Variants in SUPT3H observed in about 807,000 individuals in gnomAD.
SUPT3H encodes SPT3 homolog, SAGA and STAGA complex component.
SUPT3H carries 44 observed loss-of-function variants against 44.3 expected under a neutral mutation model. That is an observed-to-expected ratio of 0.99 (90% CI 0.78 to 1.28). The LOEUF (loss-of-function observed/expected upper bound fraction) is 1.28, where lower values mean the gene tolerates loss of function less well. Among genes scored for constraint, SUPT3H ranks in the 50% most tolerant of loss-of-function variants. The pLI is 0.00. For synonymous variants in SUPT3H, 124 were observed against 125.6 expected, an observed-to-expected ratio of 0.99 and a Z score of 0.09; for missense variants, 380 against 387.1, an observed-to-expected ratio of 0.98 and a Z score of 0.15.
At chr6:44,888,695 A>T (rs1762756968) in intron 10 of SUPT3H, among the ~76,000 whole-genome samples, 1 of 151,956 alleles carries the variant, frequency 6.6e-6, no homozygotes, top group Non-Finnish European at 1.5e-5. Context: ...ATTCCCTTTG[A>T]AAACTGGCAC....
intron 2 of SUPT3H, among the ~76,000 whole-genome samples, chr6:45,318,437 T>C (rs1239067411): frequency 1.3e-5 from 2 of 152,116 alleles, no homozygotes; most frequent in Non-Finnish European, 1.5e-5. Context: ...TGTATCAATA[T>C]TGGTTCATCA....
intron 10 of SUPT3H, among the ~76,000 whole-genome samples, chr6:44,846,942 T>C (rs1358898817): frequency 2.0e-5 from 3 of 152,182 alleles, no homozygotes; most frequent in Non-Finnish European, 4.4e-5. Flanking sequence ...AGTTGAAAAG[T>C]TTTTTGAAGA....
chr6:44,978,994 T>G (rs530515477), intron 6 of SUPT3H, among the ~76,000 whole-genome samples: 3 of 152,218 alleles, frequency 2.0e-5, no homozygotes, highest in Non-Finnish European at 2.9e-5. Context: ...CCTGTTAATA[T>G]TCTTTTCTAT....
chr6:45,085,254 T>G (rs996484578), intron 3 of SUPT3H, among the ~76,000 whole-genome samples: 18 of 152,188 alleles, frequency 1.2e-4, no homozygotes, highest in African/African-American at 3.9e-4. Context: ...AACACAGGTT[T>G]AAATATTTAA....
chr6:45,094,955 TC>T (rs1167613055), intron 3 of SUPT3H, among the ~76,000 whole-genome samples: 2 of 152,132 alleles, frequency 1.3e-5, no homozygotes, highest in Non-Finnish European at 2.9e-5. Flanking sequence ...GTGTGTGTTT[TC>T]CCCAAAGCAG....
At chr6:45,165,365 CAGTT>C (rs1418522934) in intron 2 of SUPT3H, among the ~76,000 whole-genome samples, 9 of 152,206 alleles carry the variant, frequency 5.9e-5, no homozygotes, top group African/African-American at 1.4e-4. Context: ...CTCTACCACT[CAGTT>C]AGCAGAAGAA....
chr6:45,008,568 T>C (rs1052660044), intron 5 of SUPT3H, among the ~76,000 whole-genome samples: 4 of 152,012 alleles, frequency 2.6e-5, no homozygotes, highest in African/African-American at 9.7e-5. Flanking sequence ...TTGCCCAGGC[T>C]GGTTTCAAAA....
chr6:44,972,832 T>C (rs1209236680), intron 6 of SUPT3H, among the ~76,000 whole-genome samples: 3 of 152,088 alleles, frequency 2.0e-5, no homozygotes, highest in Non-Finnish European at 4.4e-5. Flanking sequence ...CTTTTAGCCA[T>C]GCTGGGACAC....
In SUPT3H at chr6:45,031,521, C is replaced by A. The variant is rs1370878505; in HGVS notation, c.187-10889G>T. On this transcript the variant is annotated intron_variant, in intron 3 of 10. Transcript: ENST00000371459. ...TCTAATAATTTCTCATGTAAAATTA[C>A]CTCAAAATGAAATACAATGCACACA... Among the ~76,000 whole-genome samples the A allele has an allele frequency of 4.6e-5, 7 of 152,188 alleles. No individual in the cohort carries two copies. In the South Asian group the frequency reaches 1.2e-3, roughly 27 times the overall value.
At chr6:45,182,453 G>A (rs1449314379) in intron 2 of SUPT3H, among the ~76,000 whole-genome samples, 1 of 151,984 alleles carries the variant, frequency 6.6e-6, no homozygotes, top group Non-Finnish European at 1.5e-5. Flanking sequence ...GTAGAGATGG[G>A]GTTTCACCAC....
intron 2 of SUPT3H, among the ~76,000 whole-genome samples, chr6:45,300,358 G>A (rs1781955319): frequency 6.6e-6 from 1 of 152,150 alleles, no homozygotes; most frequent in Non-Finnish European, 1.5e-5. Flanking sequence ...AGGAGAGTTA[G>A]TTCAATTTGA....
At chr6:44,850,264 A>C (rs1210872327) in intron 10 of SUPT3H, among the ~76,000 whole-genome samples, 1 of 152,228 alleles carries the variant, frequency 6.6e-6, no homozygotes, top group Non-Finnish European at 1.5e-5. Context: ...ACTTAAATAA[A>C]ATAAACAGAA....
intron 3 of SUPT3H, among the ~76,000 whole-genome samples, chr6:45,039,301 G>T (rs1240979939): frequency 6.6e-6 from 1 of 152,042 alleles, no homozygotes; most frequent in Non-Finnish European, 1.5e-5. Flanking sequence ...ATATGTGGAT[G>T]GGTATTGTCC....
chr6:45,017,319 T>C (rs1341674253), intron 4 of SUPT3H, among the ~76,000 whole-genome samples: 1 of 150,234 alleles, frequency 6.7e-6, no homozygotes, highest in African/African-American at 2.4e-5. Context: ...GATGGTAGTT[T>C]CTTTTGCTGT....
intron 3 of SUPT3H, among the ~76,000 whole-genome samples, chr6:45,034,737 A>T (rs184595721): frequency 5.8e-4 from 89 of 152,344 alleles, no homozygotes; most frequent in Admixed American, 1.4e-3. Context: ...CATTATTTTT[A>T]CAAAACTGTT....
chr6:45,229,964 A>G (rs1367514672), intron 2 of SUPT3H, among the ~76,000 whole-genome samples: 2 of 151,994 alleles, frequency 1.3e-5, no homozygotes, highest in Non-Finnish European at 2.9e-5. Context: ...ACCAACCTCT[A>G]TTCATGGTCC....
chr6:45,209,298 C>G lies in SUPT3H; in HGVS notation c.102-103292G>C, dbSNP rs539174518. ...CTACAGTTGCCACAGATAGTGATTC[C>G]TCTGACAGATGTGGGCAAAGTAAGT... On this transcript the variant is annotated intron_variant, in intron 2 of 10. Transcript: ENST00000371459. 9.9e-5 allele frequency among the ~76,000 whole-genome samples: 15 copies of G among 152,238 alleles called. No homozygotes were observed. In the East Asian group the frequency reaches 2.5e-3, roughly 25 times the overall value.
At chr6:44,889,032 T>C (rs556821024) in intron 10 of SUPT3H, among the ~76,000 whole-genome samples, 2 of 148,656 alleles carry the variant, frequency 1.3e-5, no homozygotes, top group East Asian at 3.9e-4. Flanking sequence ...TCAAAGAGAA[T>C]AAAATACCTA....
At chr6:44,852,409 A>C (rs897741467) in intron 10 of SUPT3H, among the ~76,000 whole-genome samples, 8 of 152,124 alleles carry the variant, frequency 5.3e-5, no homozygotes, top group African/African-American at 1.9e-4. Context: ...TACATCAAAA[A>C]AGGCTTTGGA....
Sources: gnomAD v4.1 joint callset for allele counts (sites outside exome capture counted in the v4.1 genomes callset) on GRCh38, gnomAD v4.1.1 for gene constraint, MANE v1.5 for transcripts, NCBI Gene and HGNC (gene_info 2026-07-23, HGNC 2026-07-21) for gene names.